Variants in ZC3H3 observed in about 807,000 individuals in gnomAD.
ZC3H3 encodes zinc finger CCCH-type containing 3, also known as zinc finger CCCH domain-containing protein 3.
In ZC3H3, 36 loss-of-function variants were observed where a neutral mutation model predicts 77.3. The ratio of observed to expected loss-of-function variants is 0.47; its 90% CI spans 0.36 to 0.61. The LOEUF is 0.61. ZC3H3 is among the 20% of genes least tolerant of loss of function. The probability of loss-of-function intolerance (pLI) is 0.00; values close to 1 mark genes in which losing one functional copy is unlikely to be tolerated. For missense variants in ZC3H3, 1,331 were observed against 1,312.2 expected, an observed-to-expected ratio of 1.01 and a Z score of -0.22; for synonymous variants, 626 against 555.2, an observed-to-expected ratio of 1.13 and a Z score of -1.79.
intron 4 of ZC3H3, among the ~76,000 whole-genome samples, chr8:143,498,465 G>A (rs1209731045): frequency 1.3e-5 from 2 of 152,176 alleles, no homozygotes; most frequent in Non-Finnish European, 2.9e-5. Context: ...CCAGCCTGCT[G>A]TCCTGCCACG....
Position 143,497,040 on chromosome 8 carries a change from A to G in ZC3H3, c.1715+10706T>C, listed in dbSNP as rs192199120. On this transcript the variant is annotated intron_variant, in intron 4 of 11. Transcript: ENST00000262577. The stretch of plus-strand genomic sequence containing the variant: ...CGCTTCTGTGCAAAAGCTCGTTTAT[A>G]AAGGGAGAGAAAGCAATACTGCAAA... 7.9e-5 allele frequency among the ~76,000 whole-genome samples: 12 copies of G among 152,382 alleles called. No individual in the cohort carries two copies. The East Asian group carries it at 1.9e-3, about 24-fold the overall frequency.
intron 3 of ZC3H3, among the ~76,000 whole-genome samples, chr8:143,516,449 G>A (rs1377627680): frequency 6.6e-6 from 1 of 151,624 alleles, no homozygotes; most frequent in African/African-American, 2.4e-5. Context: ...CCCCCATTAG[G>A]CCCTCCCTGC....
intron 4 of ZC3H3, among the ~76,000 whole-genome samples, chr8:143,477,768 C>T (rs768065953): frequency 1.3e-5 from 2 of 152,234 alleles, no homozygotes; most frequent in African/African-American, 2.4e-5. Flanking sequence ...GCACCAGCCC[C>T]ACAGTACTCA....
rs917418895 is a variant in ZC3H3 at position 143,493,446 on chromosome 8, G to T, written c.1715+14300C>A. 1.3e-5 allele frequency among the ~76,000 whole-genome samples: 2 copies of T among 152,184 alleles called. No homozygotes were observed. Among genetic ancestry groups the T allele is most frequent in the Non-Finnish European group, 2.9e-5 (2 of 68,030 alleles). ...TTCCCTACCCCAAACCACCAAGGCC[G>T]AGGCTGCAGGAGGGGTCTGGCCCTC... is the stretch of plus-strand genomic sequence containing the variant. On this transcript the variant is annotated intron_variant, in intron 4 of 11. Transcript: ENST00000262577. The surrounding 1 kb of genome is among the most constrained non-coding windows in gnomAD (Gnocchi z 4.8).
At position 143,493,764 on chromosome 8, in the gene ZC3H3, C is replaced by T. The variant is rs1821269718; in HGVS notation, c.1715+13982G>A. ...GCAAAAGGGATCTAAAAATTGCACTCCTTCCTTAATGAGCAGCCGAAGGGA... is the reference window on the plus strand; with the variant it reads ...GCAAAAGGGATCTAAAAATTGCACTTCTTCCTTAATGAGCAGCCGAAGGGA... On this transcript the variant is annotated intron_variant, in intron 4 of 11. Transcript: ENST00000262577. This position sits in a 1 kb window ranked among gnomAD's most constrained non-coding sequence, Gnocchi z 4.8. Among the ~76,000 whole-genome samples, 1 of 152,166 alleles carries T rather than the reference C, an allele frequency of 6.6e-6. No homozygotes were observed. Among genetic ancestry groups the T allele is most frequent in the Non-Finnish European group, 1.5e-5 (1 of 68,040 alleles).
rs1468188533 is a variant in ZC3H3, at chr8:143,538,195, G to C, written c.1172C>G (p.Ser391Cys). The C allele has an allele frequency of 1.2e-6, 2 of 1,612,964 alleles. No homozygotes were observed. Among genetic ancestry groups the C allele is most frequent in the Non-Finnish European group, 1.7e-6 (2 of 1,179,964 alleles). Residue 391 changes from serine to cysteine, a missense_variant, in exon 2 of 12, where the codon TCC becomes TGC. By Grantham distance (112) the Ser-to-Cys change is moderately radical. This residue lies in a region of ZC3H3 where 978 missense variants were observed against 915.5 expected (regional missense o/e 1.07). Coordinates refer to ENST00000262577, the MANE Select transcript of ZC3H3 (RefSeq NM_015117.3). ...ASSPSASSSS[S>C]FRWQSEASSK... ...GCTGGCCTCCGACTGCCAACGGAAGGAGGAAGAGGAGGAGGCAGAGGGGCT... is the reference window on the plus strand; with the variant it reads ...GCTGGCCTCCGACTGCCAACGGAAGCAGGAAGAGGAGGAGGCAGAGGGGCT...
chr8:143,531,248 G>A (rs955157113), intron 3 of ZC3H3, among the ~76,000 whole-genome samples: 8 of 152,034 alleles, frequency 5.3e-5, no homozygotes, highest in Admixed American at 2.0e-4. Flanking sequence ...CATGAGCCTC[G>A]GCACCCGGCC....
intron 4 of ZC3H3, among the ~76,000 whole-genome samples, chr8:143,489,839 C>T (rs542639325): frequency 1.2e-4 from 18 of 152,274 alleles, no homozygotes; most frequent in African/African-American, 4.1e-4. Flanking sequence ...GACGTCCAAC[C>T]GCAAATTAAA....
intron 4 of ZC3H3, among the ~76,000 whole-genome samples, chr8:143,490,571 T>A (rs144346504): frequency 1.1e-4 from 16 of 152,340 alleles, no homozygotes; most frequent in Non-Finnish European, 1.9e-4. Flanking sequence ...AGGTTAATCA[T>A]GTTTTGGGGT....
intron 3 of ZC3H3, among the ~76,000 whole-genome samples, chr8:143,526,622 G>T (rs1369755125): frequency 6.6e-6 from 1 of 152,194 alleles, no homozygotes; most frequent in African/African-American, 2.4e-5. Context: ...TCAGGCAAGG[G>T]TCAAGGTGGA....
intron 4 of ZC3H3, among the ~76,000 whole-genome samples, chr8:143,486,768 G>A (rs1821067335): frequency 6.7e-6 from 1 of 148,590 alleles, no homozygotes; most frequent in Admixed American, 6.7e-5. Flanking sequence ...CCATCACCAC[G>A]AAGCTCACAC....
chr8:143,535,922 C>T (rs1274947648), intron 3 of ZC3H3, among the ~76,000 whole-genome samples: 3 of 152,260 alleles, frequency 2.0e-5, no homozygotes, highest in African/African-American at 4.8e-5. Context: ...GGGTGCCCAG[C>T]GCAGCACAAG....
chr8:143,484,850 A>G (rs1029585459), intron 4 of ZC3H3: 2 of 454,964 alleles, frequency 4.4e-6, no homozygotes, highest in Non-Finnish European at 8.8e-6. Context: ...GCCCTGGGAC[A>G]GCCCCTCCGA....
intron 4 of ZC3H3, 125 bp from the exon 5 acceptor site, chr8:143,475,710 G>A (rs1365620489): frequency 9.6e-6 from 11 of 1,149,716 alleles, no homozygotes; most frequent in African/African-American, 1.6e-5. Flanking sequence ...CTTGCGGTGG[G>A]TACACACTCC....
Position 143,538,747 on chromosome 8 carries a change from C to T in ZC3H3, c.620G>A (p.Ser207Asn). The change falls in exon 2 of 12, where the codon AGT becomes AAT. Residue 207 changes from serine (S) to asparagine (N), a missense_variant. Ser to Asn is a conservative substitution (Grantham distance 46). This residue lies in a region of ZC3H3 where 978 missense variants were observed against 915.5 expected (regional missense o/e 1.07). Transcript: ENST00000262577. ...GGGCTCCCGGGGGCTGTCGCCCACA[C>T]TGCCCACTGACTTCACCATCCTGGG... ...GKPRMVKSVGSVGDSPREPRR... is the reference protein window; with the variant it reads ...GKPRMVKSVGNVGDSPREPRR... 1.9e-6 allele frequency: 3 copies of T among 1,611,008 alleles called. No homozygotes were observed. Among genetic ancestry groups the T allele is most frequent in the Non-Finnish European group, 2.5e-6 (3 of 1,179,864 alleles).
chr8:143,522,757 A>G (rs1226049492), intron 3 of ZC3H3, among the ~76,000 whole-genome samples: 1 of 152,126 alleles, frequency 6.6e-6, no homozygotes, highest in Non-Finnish European at 1.5e-5. Flanking sequence ...TGTCTCTACA[A>G]AAAAAAGAAA....
At chr8:143,478,897 G>A (rs531955492) in intron 4 of ZC3H3, among the ~76,000 whole-genome samples, 64 of 152,368 alleles carry the variant, frequency 4.2e-4, no homozygotes, top group African/African-American at 1.5e-3. Context: ...TGGAGTGTGA[G>A]AACACCCAGA....
At chr8:143,512,550 G>A (rs1435491966) in intron 3 of ZC3H3, among the ~76,000 whole-genome samples, 4 of 152,208 alleles carry the variant, frequency 2.6e-5, no homozygotes, top group Non-Finnish European at 4.4e-5. Flanking sequence ...ACTGGGGATG[G>A]CACCTTCCAG....
At chr8:143,497,678 G>A (rs1821392340) in intron 4 of ZC3H3, among the ~76,000 whole-genome samples, 1 of 152,226 alleles carries the variant, frequency 6.6e-6, no homozygotes, top group African/African-American at 2.4e-5. Context: ...GGGCAAGCCT[G>A]AACACAGATG....
Sources: gnomAD v4.1 joint callset for allele counts (sites outside exome capture counted in the v4.1 genomes callset) on GRCh38, gnomAD v4.1.1 for gene constraint, gnomAD v4.1.1 regional missense constraint, Gnocchi (gnomAD v3.1) non-coding constraint, MANE v1.5 for transcripts, NCBI Gene and HGNC (gene_info 2026-07-23, HGNC 2026-07-21) for gene names.